The following FMO4 variants were observed in gnomAD, a reference collection of about 807,000 sequenced individuals.
The protein encoded by FMO4 is flavin containing dimethylaniline monoxygenase 4, also known as dimethylaniline monooxygenase [N-oxide-forming] 4.
Under a neutral mutation model 43.3 loss-of-function variants are expected in FMO4, and 38 were observed. That is an observed-to-expected ratio of 0.88 (90% CI 0.68 to 1.15). The LOEUF (loss-of-function observed/expected upper bound fraction) is 1.15, where lower values mean the gene tolerates loss of function less well. Among genes scored for constraint, FMO4 ranks in the 50% most tolerant of loss-of-function variants. The pLI is 0.00. For synonymous variants in FMO4, 224 were observed against 232.2 expected, an observed-to-expected ratio of 0.96 and a Z score of 0.32; for missense variants, 631 against 663.3, an observed-to-expected ratio of 0.95 and a Z score of 0.54.
At chr1:171,327,122 C>G (rs1662702504) in intron 5 of FMO4, among the ~76,000 whole-genome samples, 1 of 152,134 alleles carries the variant, frequency 6.6e-6, no homozygotes, top group African/African-American at 2.4e-5. Flanking sequence ...CCAGGAAAAC[C>G]TCATAAGTGG....
intron 8 of FMO4, among the ~76,000 whole-genome samples, chr1:171,335,274 T>C (rs1329547597): frequency 6.6e-6 from 1 of 152,220 alleles, no homozygotes; most frequent in Admixed American, 6.5e-5. Context: ...CAAAATTCTT[T>C]AGCTTTGCAA....
In FMO4 at chr1:171,323,123, T is replaced by C. The variant is rs749077102; in HGVS notation, c.252T>C (p.His84=). 2 of 1,613,724 alleles carry C rather than the reference T, an allele frequency of 1.2e-6. No individual in the cohort carries two copies. Among genetic ancestry groups the C allele is most frequent in the Non-Finnish European group, 1.7e-6 (2 of 1,179,700 alleles). The part of the protein sequence containing the change: ...FHEDYPNFMN[H]EKFWDYLQEF... ...AAGATTATCCTAATTTCATGAACCA[T>C]GAAAAATTTTGGGACTATCTCCAAG... The change falls in exon 4 of 10, where the codon CAT becomes CAC. Residue 84 remains histidine (H), a synonymous_variant. Transcript: ENST00000367749.
In FMO4 at chr1:171,334,729, G is replaced by T. The variant is rs1663048607; in HGVS notation, c.1146G>T (p.Glu382Asp). The change falls in exon 8 of 10, where the codon GAG becomes GAT. Residue 382 changes from glutamate (E) to aspartate (D), a missense_variant. Coordinates refer to ENST00000367749, the MANE Select transcript of FMO4 (RefSeq NM_002022.3). ...AAGGATCCATCTTATCAGGCACAGAGCTCCAAGCACGATGGGTCACAAGAG... is the reference window on the plus strand; with the variant it reads ...AAGGATCCATCTTATCAGGCACAGATCTCCAAGCACGATGGGTCACAAGAG... Reference protein sequence around the residue: ...GLKGSILSGTELQARWVTRVF... With the variant: ...GLKGSILSGTDLQARWVTRVF... The T allele has an allele frequency of 2.5e-6, 4 of 1,597,300 alleles. No homozygotes were observed. Among genetic ancestry groups the T allele is most frequent in the Non-Finnish European group, 3.4e-6 (4 of 1,174,678 alleles).
At chr1:171,322,545 T>A (rs1227795820) in intron 3 of FMO4, among the ~76,000 whole-genome samples, 2 of 152,188 alleles carry the variant, frequency 1.3e-5, no homozygotes, top group Non-Finnish European at 2.9e-5. Flanking sequence ...CTGGGTTTCC[T>A]GGAACTCTTT....
intron 6 of FMO4, 121 bp downstream of exon 6, chr1:171,331,903 G>GAA: frequency 6.5e-6 from 5 of 763,684 alleles, no homozygotes; most frequent in East Asian, 2.6e-5. Flanking sequence ...ACAGTAAGTG[G>GAA]GAAAAAAAAA....
intron 2 of FMO4, among the ~76,000 whole-genome samples, chr1:171,317,223 A>C (rs1183085984): frequency 6.6e-6 from 1 of 152,178 alleles, no homozygotes; most frequent in Non-Finnish European, 1.5e-5. Flanking sequence ...CAAAAAATAT[A>C]TGCTCTCTTG....
chr1:171,328,982 G>T (rs1230428583), intron 5 of FMO4, among the ~76,000 whole-genome samples: 1 of 152,144 alleles, frequency 6.6e-6, no homozygotes, highest in Admixed American at 6.5e-5. Flanking sequence ...GTCAAAATGT[G>T]CAACTGTATG....
intron 2 of FMO4, 113 bp from the exon 3 acceptor site, chr1:171,319,705 C>A (rs559231671): frequency 2.7e-5 from 22 of 800,322 alleles, no homozygotes; most frequent in Middle Eastern, 2.8e-4. Context: ...ATTCTGCCCC[C>A]ACTCAAAGAT....
chr1:171,334,770 T>G lies in FMO4; in HGVS notation c.1180+7T>G. 1.8e-5 allele frequency: 26 copies of G among 1,481,764 alleles called. No individual in the cohort carries two copies. The highest frequency in any genetic ancestry group is 2.3e-5 in the Non-Finnish European group (25 of 1,099,704). The allele number at this position is 1,481,764 out of a possible 1,614,324, so 91.8% of individuals were successfully genotyped here. On this transcript the variant is annotated splice_region_variant and intron_variant, in intron 8 of 9. Transcript: ENST00000367749. ...GTCACAAGAGTATTCAAAGGTACCATGACTCTACTGAAAGTCCTCTCTTTG... is the reference window on the plus strand; with the variant it reads ...GTCACAAGAGTATTCAAAGGTACCAGGACTCTACTGAAAGTCCTCTCTTTG...
intron 9 of FMO4, among the ~76,000 whole-genome samples, chr1:171,338,985 A>G (rs1195885737): frequency 3.3e-5 from 5 of 152,240 alleles, no homozygotes; most frequent in Admixed American, 6.5e-5. Flanking sequence ...ACTGACAGAA[A>G]TAAGTAAACT....
At chr1:171,324,340 G>T in intron 5 of FMO4, 40 bp downstream of exon 5, 1 of 1,512,424 alleles carries the variant, frequency 6.6e-7, no homozygotes, top group South Asian at 1.3e-5. Context: ...ATGCTTCTGG[G>T]TTCTTCTAGA....
At chr1:171,325,331 A>G (rs10912780) in intron 5 of FMO4, among the ~76,000 whole-genome samples, 2,991 of 152,268 alleles carry the variant, frequency 0.02, 110 homozygotes, top group African/African-American at 0.068. Flanking sequence ...AAAATTAATC[A>G]ATTGAGGATT....
chr1:171,314,973 T>G lies in FMO4; in HGVS notation c.-151+560T>G, dbSNP rs143658582. On this transcript the variant is annotated intron_variant, in intron 1 of 9. Transcript: ENST00000367749. ...CAAAGGTCTAGTTCAATAGGTCAGGTCTCCTTTCTGCCAAGGGACTAAATA... is the reference window on the plus strand; with the variant it reads ...CAAAGGTCTAGTTCAATAGGTCAGGGCTCCTTTCTGCCAAGGGACTAAATA... Among the ~76,000 whole-genome samples the G allele has an allele frequency of 4.9e-3, 745 of 152,164 alleles. 5 individuals carry two copies. Among genetic ancestry groups the G allele is most frequent in the African/African-American group, 0.016 (681 of 41,530 alleles).
At chr1:171,331,196 T>C (rs1433088243) in intron 5 of FMO4, among the ~76,000 whole-genome samples, 3 of 152,220 alleles carry the variant, frequency 2.0e-5, no homozygotes, top group African/African-American at 7.2e-5. Flanking sequence ...TCAAGATCTT[T>C]ATTCAGTATC....
chr1:171,315,584 A>C (rs1184138783), intron 1 of FMO4, among the ~76,000 whole-genome samples: 1 of 152,194 alleles, frequency 6.6e-6, no homozygotes, highest in East Asian at 1.9e-4. Context: ...CCAGGGTTAC[A>C]AGCTGCTTAG....
At chr1:171,340,056 G>A (rs751966232) in intron 9 of FMO4, among the ~76,000 whole-genome samples, 3 of 152,188 alleles carry the variant, frequency 2.0e-5, no homozygotes, top group Non-Finnish European at 4.4e-5. Flanking sequence ...GCCTGGGTGA[G>A]AGAGGCAGCA....
At chr1:171,325,683 T>G (rs1202289947) in intron 5 of FMO4, among the ~76,000 whole-genome samples, 1 of 152,030 alleles carries the variant, frequency 6.6e-6, no homozygotes, top group Non-Finnish European at 1.5e-5. Context: ...AAAACACCTC[T>G]TATGACATTT....
In FMO4 at chr1:171,334,475, A is replaced by G. The variant is rs774417198; in HGVS notation, c.892A>G (p.Met298Val). The G allele has an allele frequency of 1.2e-5, 20 of 1,613,310 alleles. No individual in the cohort carries two copies. The highest frequency in any genetic ancestry group is 3.3e-4 in the Middle Eastern group (2 of 6,072). ...CTGTATCCTCTGTGGGGCAATCACT[A>G]TGAAAACCAGCGTGATTGAATTTAC... ...PNCILCGAIT[M>V]KTSVIEFTET... is the part of the protein sequence containing the mutation. The change falls in exon 8 of 10, where the codon ATG (methionine) becomes GTG (valine). Residue 298 changes from methionine to valine, a missense_variant. Met to Val is a conservative substitution (Grantham distance 21). Coordinates refer to ENST00000367749, the MANE Select transcript of FMO4 (RefSeq NM_002022.3).
intron 3 of FMO4, among the ~76,000 whole-genome samples, chr1:171,322,720 G>A (rs933732256): frequency 1.3e-5 from 2 of 152,096 alleles, no homozygotes; most frequent in African/African-American, 4.8e-5. Context: ...AGGCATGGTG[G>A]CACACACATG....
Sources: allele counts gnomAD v4.1 joint callset (sites outside exome capture counted in the v4.1 genomes callset), GRCh38; gene constraint gnomAD v4.1.1; transcripts MANE v1.5; gene names NCBI Gene and HGNC (gene_info 2026-07-23, HGNC 2026-07-21).